The following ABR variants were observed in gnomAD, a reference collection of about 807,000 sequenced individuals.
ABR encodes the protein ABR activator of RhoGEF and GTPase.
A neutral mutation model predicts 107.2 loss-of-function variants in ABR; 35 were observed. The observed-to-expected ratio is 0.33, with a 90% CI of 0.25 to 0.43. ABR has a LOEUF of 0.43. Ranked by LOEUF, ABR falls within the 20% of genes least tolerant of loss-of-function variation. The pLI is 1.00. For synonymous variants in ABR, 498 were observed against 462.0 expected (o/e 1.08, Z -1.00); for missense variants, 815 against 1,115.2 (o/e 0.73, Z 3.83).
In ABR at chr17:1,011,105, A is replaced by C. The variant is rs2070498927; in HGVS notation, c.2102-242T>G. The stretch of plus-strand genomic sequence containing the variant: ...GCTGCTTGGGAAAGGGTGTTTGGGG[A>C]GTGAAATCCATCACCCAGAGTTCAG... On this transcript the variant is annotated intron_variant, in intron 19 of 22. Coordinates refer to ENST00000302538, the MANE Select transcript of ABR (RefSeq NM_021962.5). This position sits in a 1 kb window ranked among gnomAD's most constrained non-coding sequence, Gnocchi z 4.8. 2 of 539,500 alleles carry C rather than the reference A, an allele frequency of 3.7e-6. No homozygotes were observed. Among genetic ancestry groups the C allele is most frequent in the Non-Finnish European group, 6.7e-6 (2 of 299,104 alleles). The allele number at this position is 539,500 out of a possible 1,614,324, so 33.4% of individuals were successfully genotyped here.
At chr17:1,009,904 C>G (rs2070388952) in intron 20 of ABR, 120 bp from the exon 21 acceptor site, 2 of 827,260 alleles carry the variant, frequency 2.4e-6, no homozygotes, top group Non-Finnish European at 2.0e-6. Context: ...CTTTGGGGAG[C>G]AGACCCCACA....
intron 1 of ABR, among the ~76,000 whole-genome samples, chr17:1,223,280 T>TGA (rs2043151928): frequency 6.9e-6 from 1 of 145,070 alleles, no homozygotes; most frequent in Admixed American, 6.9e-5. Flanking sequence ...AGACTCCATC[T>TGA]CAAACAAACA....
At chr17:1,053,932 G>T (rs2032898145) in intron 14 of ABR, among the ~76,000 whole-genome samples, 2 of 152,168 alleles carry the variant, frequency 1.3e-5, no homozygotes, top group Non-Finnish European at 2.9e-5. Flanking sequence ...GGAGGTCTGT[G>T]GGTCTGGAGA....
chr17:1,204,256 A>G (rs955891388), intron 1 of ABR, among the ~76,000 whole-genome samples: 1 of 152,162 alleles, frequency 6.6e-6, no homozygotes, highest in Non-Finnish European at 1.5e-5. Context: ...ACCAGCCTGG[A>G]CGGCATGGTG....
chr17:1,081,828 C>T (rs1438186334), intron 5 of ABR, among the ~76,000 whole-genome samples: 5 of 152,152 alleles, frequency 3.3e-5, no homozygotes, highest in South Asian at 2.1e-4. Flanking sequence ...CCGCCCGCCT[C>T]GGCCTCCCAA....
chr17:1,071,901 T>C lies in ABR; in HGVS notation c.894+713A>G, dbSNP rs1019900625. ...CCAGCCTCAGGTTCTTCTGGCTCAC[T>C]GGATTGTTATTATTATTTCTGAGAT... On this transcript the variant is annotated intron_variant, in intron 8 of 22. Transcript: ENST00000302538. This position sits in a 1 kb window ranked among gnomAD's most constrained non-coding sequence, Gnocchi z 5.1. Among the ~76,000 whole-genome samples the C allele has an allele frequency of 6.6e-6, 1 of 152,202 alleles. No homozygotes were observed. Among genetic ancestry groups the C allele is most frequent in the African/African-American group, 2.4e-5 (1 of 41,450 alleles).
chr17:1,151,909 C>T (rs980276258), intron 1 of ABR, among the ~76,000 whole-genome samples: 2 of 151,734 alleles, frequency 1.3e-5, no homozygotes, highest in Non-Finnish European at 2.9e-5. Flanking sequence ...AGTCCCAGCA[C>T]TTTGAGAGGC....
upstream of ABR, among the ~76,000 whole-genome samples, chr17:1,181,548 A>G (rs1037752616): frequency 6.6e-6 from 1 of 152,020 alleles, no homozygotes; most frequent in African/African-American, 2.4e-5. Flanking sequence ...TGACTAGCAC[A>G]CAGGATTGGG....
In ABR at chr17:1,134,812, C is replaced by T. The variant is rs955174386; in HGVS notation, c.62-9445G>A. ...GTCCGGCAGCGGAGGTTCCAGCCCA[C>T]GCTCTGGCACTTCCTAACCTCTCTG... On this transcript the variant is annotated intron_variant, in intron 1 of 22. Transcript: ENST00000302538. Among the ~76,000 whole-genome samples the T allele has an allele frequency of 1.5e-4, 23 of 152,344 alleles. No individual in the cohort carries two copies. The East Asian group carries it at 3.1e-3, about 20-fold the overall frequency.
chr17:1,093,719 G>A (rs767335363), intron 3 of ABR, among the ~76,000 whole-genome samples: 1 of 152,010 alleles, frequency 6.6e-6, no homozygotes, highest in Non-Finnish European at 1.5e-5. Flanking sequence ...AGCCAACCAC[G>A]GCAAACTCCC....
chr17:1,174,096 C>T lies in ABR; in HGVS notation c.61+5571G>A, dbSNP rs80205701. ...TCGCAAGAGTGAGGCAGAGCCTCCC[C>T]GCCATTCCCCATCTTCCATCCTCCT... On this transcript the variant is annotated intron_variant, in intron 1 of 22. Coordinates refer to ENST00000302538, the MANE Select transcript of ABR (RefSeq NM_021962.5). Among the ~76,000 whole-genome samples, 609 of 152,320 alleles carry T rather than the reference C, an allele frequency of 4.0e-3. 3 individuals carry two copies. The highest frequency in any genetic ancestry group is 0.014 in the African/African-American group (571 of 41,560).
Position 1,027,562 on chromosome 17 carries a change from G to A in ABR, c.1792-14398C>T, listed in dbSNP as rs923179292. 5.3e-5 allele frequency among the ~76,000 whole-genome samples: 8 copies of A among 152,186 alleles called. No homozygotes were observed. The highest frequency in any genetic ancestry group is 1.9e-4 in the African/African-American group (8 of 41,434). ...CCCCAGCAGTGAGGTCTGCCCACTCGGCAGGTGGGTAAGTGCTGTGGAAAA... is the reference window on the plus strand; with the variant it reads ...CCCCAGCAGTGAGGTCTGCCCACTCAGCAGGTGGGTAAGTGCTGTGGAAAA... On this transcript the variant is annotated intron_variant, in intron 16 of 22. Transcript: ENST00000302538. The surrounding 1 kb of genome is among the most constrained non-coding windows in gnomAD (Gnocchi z 4.7).
At chr17:1,031,074 G>A (rs1308098948) in intron 16 of ABR, among the ~76,000 whole-genome samples, 3 of 152,220 alleles carry the variant, frequency 2.0e-5, no homozygotes, top group Non-Finnish European at 4.4e-5. Context: ...TGCCCGGCGG[G>A]CACTGGGCCC....
In ABR at chr17:1,084,365, A is replaced by C. The variant is rs1320559870; in HGVS notation, c.532-738T>G. ...GCACTCCAGCCTGGGTGACAGAGTA[A>C]GACTCCGTCTCAAAAAGAAAACAAA... is the stretch of plus-strand genomic sequence containing the variant. On this transcript the variant is annotated intron_variant, in intron 4 of 22. Coordinates refer to ENST00000302538, the MANE Select transcript of ABR (RefSeq NM_021962.5). The surrounding 1 kb of genome is among the most constrained non-coding windows in gnomAD (Gnocchi z 4.2). Among the ~76,000 whole-genome samples, 2 of 152,256 alleles carry C rather than the reference A, an allele frequency of 1.3e-5. No individual in the cohort carries two copies. The highest frequency in any genetic ancestry group is 4.8e-5 in the African/African-American group (2 of 41,464).
intron 1 of ABR, among the ~76,000 whole-genome samples, chr17:1,197,567 G>C (rs1440655296): frequency 1.3e-5 from 2 of 151,590 alleles, no homozygotes; most frequent in Non-Finnish European, 2.9e-5. Context: ...CCCTGCATGA[G>C]TTATTTTCCC....
At chr17:1,188,894 C>A (rs1322207243), upstream of ABR, among the ~76,000 whole-genome samples, 1 of 152,228 alleles carries the variant, frequency 6.6e-6, no homozygotes, top group Non-Finnish European at 1.5e-5. Context: ...GCCAGGCACA[C>A]ACACCCCTGA....
At chr17:1,108,441 G>A (rs2038405852) in intron 2 of ABR, among the ~76,000 whole-genome samples, 1 of 152,264 alleles carries the variant, frequency 6.6e-6, no homozygotes, top group African/African-American at 2.4e-5. Context: ...CCTGGCTGCA[G>A]CCTCCAAGCC....
chr17:1,197,048 C>A (rs1040221413), intron 1 of ABR, among the ~76,000 whole-genome samples: 1 of 151,552 alleles, frequency 6.6e-6, no homozygotes, highest in South Asian at 2.1e-4. Context: ...TTCCCAAATG[C>A]TCCGGGAACC....
Position 1,200,644 on chromosome 17 carries a change from T to G in ABR, c.838+28149A>C, listed in dbSNP as rs1476628674. ...TCAAGCAGAACAAGTTTCACCTAGATGAGCTATGACCTCACTTTATTCGGG... is the reference window on the plus strand; with the variant it reads ...TCAAGCAGAACAAGTTTCACCTAGAGGAGCTATGACCTCACTTTATTCGGG... On this transcript the variant is annotated intron_variant, in intron 1 of 22. Coordinates refer to the ABR transcript ENST00000574139. This position sits in a 1 kb window ranked among gnomAD's most constrained non-coding sequence, Gnocchi z 4.1. 3.9e-5 allele frequency among the ~76,000 whole-genome samples: 6 copies of G among 152,140 alleles called. No individual in the cohort carries two copies. The highest frequency in any genetic ancestry group is 2.1e-4 in the South Asian group (1 of 4,822).
Sources: allele counts gnomAD v4.1 joint callset (sites outside exome capture counted in the v4.1 genomes callset), GRCh38; gene constraint gnomAD v4.1.1; non-coding constraint Gnocchi (gnomAD v3.1); transcripts MANE v1.5; gene names NCBI Gene and HGNC (gene_info 2026-07-23, HGNC 2026-07-21).